The following BTD variants were observed in gnomAD, a reference collection of about 807,000 sequenced individuals.
BTD encodes biotinidase.
In BTD, 13 loss-of-function variants were observed where a neutral mutation model predicts 17.7. The ratio of observed to expected loss-of-function variants is 0.74; its 90% CI spans 0.48 to 1.17. BTD has a LOEUF of 1.17. Ranked by LOEUF, BTD falls within the 50% of genes most tolerant of loss-of-function variation. BTD has a pLI of 0.00. For synonymous variants in BTD, 240 were observed against 245.2 expected (o/e 0.98, Z 0.20); for missense variants, 674 against 650.4 (o/e 1.04, Z -0.39).
At position 15,643,046 on chromosome 3, in the gene BTD, AAAAT is replaced by A. The variant is rs1356192776; in HGVS notation, c.399+993_399+996del. ...CTGCCTCAAAAAAAAAAAAAAAAAT[AAAAT>A]AAAATAAAGAAATGGAATCCCTCAA... is the stretch of plus-strand genomic sequence containing the variant. On this transcript the variant is annotated intron_variant, in intron 3 of 3. Coordinates refer to ENST00000643237, the MANE Select transcript of BTD (RefSeq NM_001370658.1). Among the ~76,000 whole-genome samples, 316 of 66,206 alleles carry A rather than the reference AAAAT, an allele frequency of 4.8e-3. 6 individuals are homozygous for A. Among genetic ancestry groups the A allele is most frequent in the African/African-American group, 0.03 (303 of 10,096 alleles). 43.4% of individuals were successfully genotyped at this position (66,206 alleles called of 152,430 possible). A position where few individuals can be genotyped will look rare whatever the true frequency, so the allele number is the denominator to read the frequency against.
At chr3:15,663,914 CT>C (rs2125543571) in intron 3 of BTD, among the ~76,000 whole-genome samples, 1 of 152,184 alleles carries the variant, frequency 6.6e-6, no homozygotes, top group Admixed American at 6.5e-5. Context: ...TAGAACATTT[CT>C]TTTGAGACAG....
intron 1 of BTD, among the ~76,000 whole-genome samples, chr3:15,628,822 A>C (rs989008543): frequency 6.6e-6 from 1 of 152,184 alleles, no homozygotes; most frequent in Non-Finnish European, 1.5e-5. Flanking sequence ...AAACTCAAAT[A>C]TGCATTTAAA....
chr3:15,609,391 C>G (rs111319409), intron 1 of BTD, among the ~76,000 whole-genome samples: 215 of 152,178 alleles, frequency 1.4e-3, no homozygotes, highest in African/African-American at 5.1e-3. Context: ...TTTAGATGAT[C>G]GATATTTGGT....
intron 1 of BTD, among the ~76,000 whole-genome samples, chr3:15,620,277 T>C (rs1455454075): frequency 6.6e-6 from 1 of 152,116 alleles, no homozygotes; most frequent in Non-Finnish European, 1.5e-5. Context: ...AATCCTTACC[T>C]CAACTGCACA....
chr3:15,670,427 C>A, intron 3 of BTD: 1 of 1,613,854 alleles, frequency 6.2e-7, no homozygotes, highest in Non-Finnish European at 8.5e-7. Context: ...GTTGGTATAA[C>A]GGTTAATGGC....
chr3:15,664,457 A>T (rs2065957597), intron 3 of BTD, among the ~76,000 whole-genome samples: 1 of 152,246 alleles, frequency 6.6e-6, no homozygotes, highest in African/African-American at 2.4e-5. Flanking sequence ...CAACTAATCC[A>T]AGTTAAAACA....
At chr3:15,708,629 A>G (rs2071797392) in intron 3 of BTD, among the ~76,000 whole-genome samples, 1 of 152,240 alleles carries the variant, frequency 6.6e-6, no homozygotes, top group African/African-American at 2.4e-5. Flanking sequence ...GGATTAAAGT[A>G]TAATTATAAA....
chr3:15,707,789 C>A, intron 3 of BTD: 1 of 1,085,886 alleles, frequency 9.2e-7, no homozygotes, highest in Non-Finnish European at 1.3e-6. Flanking sequence ...AATCTATTTC[C>A]CAAAATAGAC....
Position 15,635,757 on chromosome 3 carries a change from G to A in BTD, c.249+69G>A, listed in dbSNP as rs74336071. 38,805 of 1,607,656 alleles carry A rather than the reference G, an allele frequency of 0.024. 551 individuals are homozygous for A. Among genetic ancestry groups the A allele is most frequent in the Non-Finnish European group, 0.029 (33,926 of 1,176,570 alleles). On this transcript the variant is annotated intron_variant, in intron 2 of 3. Transcript: ENST00000643237. The surrounding 1 kb of genome is among the most constrained non-coding windows in gnomAD (Gnocchi z 4.1). ...GATTGCTCTTTACCCCTTGATCAGT[G>A]GTTGGGTAATCCCAGGCTTCCTACC...
chr3:15,635,781 C>G lies in BTD; in HGVS notation c.249+93C>G, dbSNP rs180747502. 2 of 1,572,956 alleles carry G rather than the reference C, an allele frequency of 1.3e-6. No homozygotes were observed. Among genetic ancestry groups the G allele is most frequent in the Non-Finnish European group, 1.7e-6 (2 of 1,148,326 alleles). On this transcript the variant is annotated intron_variant, in intron 2 of 3. Coordinates refer to ENST00000643237, the MANE Select transcript of BTD (RefSeq NM_001370658.1). The surrounding 1 kb of genome is among the most constrained non-coding windows in gnomAD (Gnocchi z 4.1). ...TGGTTGGGTAATCCCAGGCTTCCTACCACCCTCTGAAAAAGCATCCAGGTA... is the reference window on the plus strand; with the variant it reads ...TGGTTGGGTAATCCCAGGCTTCCTAGCACCCTCTGAAAAAGCATCCAGGTA...
At chr3:15,722,126 G>C in exon 5 of BTD, among the ~76,000 whole-genome samples, 1 of 152,170 alleles carries the variant, frequency 6.6e-6, no homozygotes, top group Non-Finnish European at 1.5e-5. Flanking sequence ...CCAAAGAGAG[G>C]TCTGTCCTTT....
chr3:15,603,767 AG>A (rs2064356562), intron 1 of BTD, among the ~76,000 whole-genome samples: 1 of 152,252 alleles, frequency 6.6e-6, no homozygotes, highest in Non-Finnish European at 1.5e-5. Context: ...TCCAAATGGG[AG>A]AAATTGGTCA....
chr3:15,711,865 A>G (rs1212396501), exon 4 of BTD, among the ~76,000 whole-genome samples: 2 of 147,558 alleles, frequency 1.4e-5, no homozygotes, highest in Non-Finnish European at 3.0e-5. Flanking sequence ...TTTTTTTTGT[A>G]TTTTTTTTTT....
At position 15,619,898 on chromosome 3, in the gene BTD, A is replaced by C. The variant is rs1199086273; in HGVS notation, c.-16-15526A>C. 2.0e-5 allele frequency among the ~76,000 whole-genome samples: 3 copies of C among 152,202 alleles called. No homozygotes were observed. In the East Asian group the frequency reaches 5.8e-4, roughly 29 times the overall value. ...CTGAGTCTCAGACCAGCAAGTTTTT[A>C]TTAAGGGTTTCAAAAGGGGAGGGAG... On this transcript the variant is annotated intron_variant, in intron 1 of 3. Transcript: ENST00000643237.
Position 15,653,075 on chromosome 3 carries a change from G to A in BTD, c.*7587G>A, listed in dbSNP as rs2065831565. On this transcript the variant is annotated 3_prime_UTR_variant, in exon 4 of 4. Transcript: ENST00000643237. ...CCACCCCAGACAGAGTTATCCAACA[G>A]CCTGGTATGGTGCAGACCAGGGGCT... Among the ~76,000 whole-genome samples, 2 of 152,340 alleles carry A rather than the reference G, an allele frequency of 1.3e-5. No homozygotes were observed. The highest frequency in any genetic ancestry group is 6.8e-3 in the Middle Eastern group (2 of 294).
chr3:15,632,021 G>A (rs568403501), intron 1 of BTD, among the ~76,000 whole-genome samples: 52 of 152,230 alleles, frequency 3.4e-4, no homozygotes, highest in African/African-American at 1.2e-3. Context: ...GCCCCCTGCT[G>A]TCCTTGCTGT....
chr3:15,684,075 C>T (rs1229388952), intron 3 of BTD: 1 of 152,120 alleles, frequency 6.6e-6, no homozygotes, highest in Non-Finnish European at 1.5e-5. Flanking sequence ...AAATTGAAAA[C>T]AAATTTTAAA....
intron 3 of BTD, among the ~76,000 whole-genome samples, chr3:15,671,372 A>C (rs926996311): frequency 6.6e-6 from 1 of 152,132 alleles, no homozygotes; most frequent in Non-Finnish European, 1.5e-5. Flanking sequence ...CAATTATACC[A>C]TATGGAACTT....
intron 2 of BTD, among the ~76,000 whole-genome samples, chr3:15,636,043 G>A (rs2280771): frequency 2.6e-5 from 4 of 151,762 alleles, no homozygotes; most frequent in Non-Finnish European, 4.4e-5. Flanking sequence ...TAAGAATCAC[G>A]AGGTAAGTGG....
Sources: gnomAD v4.1 joint callset for allele counts (sites outside exome capture counted in the v4.1 genomes callset) on GRCh38, gnomAD v4.1.1 for gene constraint, Gnocchi (gnomAD v3.1) non-coding constraint, MANE v1.5 for transcripts, NCBI Gene and HGNC (gene_info 2026-07-23, HGNC 2026-07-21) for gene names.